Variants in KCNH8 observed in about 807,000 individuals in gnomAD.
KCNH8 encodes the protein potassium voltage-gated channel subfamily H member 8.
A neutral mutation model predicts 103.6 loss-of-function variants in KCNH8; 70 were observed. That is an observed-to-expected ratio of 0.68 (90% CI 0.56 to 0.82). The LOEUF is 0.82. Among genes scored for constraint, KCNH8 ranks in the 40% least tolerant of loss-of-function variants. KCNH8 has a pLI of 0.00. For missense variants in KCNH8, 1,217 were observed against 1,329.9 expected (o/e 0.92, Z 1.32); for synonymous variants, 498 against 489.4 (o/e 1.02, Z -0.23).
chr3:19,348,037 A>G (rs2065751517), intron 5 of KCNH8, 72 bp downstream of exon 5: 7 of 1,552,338 alleles, frequency 4.5e-6, no homozygotes, highest in African/African-American at 2.7e-5. Context: ...TTTTTCTGAC[A>G]TGAATTTGAA....
chr3:19,427,132 C>G (rs796758110), intron 7 of KCNH8, among the ~76,000 whole-genome samples: 19 of 152,190 alleles, frequency 1.2e-4, no homozygotes, highest in Admixed American at 5.9e-4. Flanking sequence ...ATCTAGATAT[C>G]GACTAGTCAT....
intron 1 of KCNH8, among the ~76,000 whole-genome samples, chr3:19,244,114 T>C (rs1320282094): frequency 6.6e-6 from 1 of 152,206 alleles, no homozygotes; most frequent in Non-Finnish European, 1.5e-5. Context: ...TGCATAAACT[T>C]ATGTTTATTT....
intron 13 of KCNH8, 28 bp downstream of exon 13, chr3:19,513,353 C>G: frequency 6.5e-7 from 1 of 1,550,126 alleles, no homozygotes; most frequent in Non-Finnish European, 8.7e-7. Context: ...ATAACTTTCT[C>G]ACGTGAACGT....
intron 4 of KCNH8, among the ~76,000 whole-genome samples, chr3:19,347,038 T>C (rs2065738491): frequency 1.3e-5 from 2 of 152,104 alleles, no homozygotes; most frequent in Admixed American, 6.6e-5. Flanking sequence ...TCTCCTCCCA[T>C]GACTTGACTA....
At chr3:19,467,197 C>T (rs1046756383) in intron 11 of KCNH8, among the ~76,000 whole-genome samples, 14 of 151,944 alleles carry the variant, frequency 9.2e-5, no homozygotes, top group Non-Finnish European at 1.8e-4. Context: ...CTTTCAATAT[C>T]GTATAGAGAG....
intron 1 of KCNH8, among the ~76,000 whole-genome samples, chr3:19,211,171 A>G (rs532589461): frequency 2.6e-5 from 4 of 152,304 alleles, no homozygotes; most frequent in South Asian, 4.1e-4. Flanking sequence ...TTCCACCCAT[A>G]ATGACTTACA....
At chr3:19,265,616 G>T (rs1412693099) in intron 2 of KCNH8, among the ~76,000 whole-genome samples, 2 of 151,880 alleles carry the variant, frequency 1.3e-5, no homozygotes, top group Non-Finnish European at 2.9e-5. Context: ...TGGCCTGTGG[G>T]CTGGTTTCTA....
intron 3 of KCNH8, among the ~76,000 whole-genome samples, chr3:19,327,721 G>C (rs1455442167): frequency 2.6e-5 from 4 of 152,192 alleles, no homozygotes; most frequent in Non-Finnish European, 4.4e-5. Flanking sequence ...GTTATAAGGA[G>C]TGAGTGTTGT....
At chr3:19,239,635 AATCTATCT>A (rs10571316) in intron 1 of KCNH8, among the ~76,000 whole-genome samples, 13,001 of 145,764 alleles carry the variant, frequency 0.089, 670 homozygotes, top group East Asian at 0.16. Context: ...AGAATGATGG[AATCTATCT>A]ATCTATCTAT....
In KCNH8 at chr3:19,397,055, A is replaced by G. The variant is rs185330589; in HGVS notation, c.1177+1744A>G. On this transcript the variant is annotated intron_variant, in intron 7 of 15. Transcript: ENST00000328405. ...AACAAAGCCTTTTGTTTCATTTCCAACATGCCAGGCTTGCTGCAGACTTAA... is the reference window on the plus strand; with the variant it reads ...AACAAAGCCTTTTGTTTCATTTCCAGCATGCCAGGCTTGCTGCAGACTTAA... 1.4e-3 allele frequency among the ~76,000 whole-genome samples: 206 copies of G among 152,058 alleles called. 1 individual carries two copies. Among genetic ancestry groups the G allele is most frequent in the African/African-American group, 4.6e-3 (191 of 41,508 alleles).
At chr3:19,257,370 T>C (rs935255403) in intron 2 of KCNH8, among the ~76,000 whole-genome samples, 4 of 152,002 alleles carry the variant, frequency 2.6e-5, no homozygotes, top group Non-Finnish European at 5.9e-5. Flanking sequence ...TAGTGGGAGA[T>C]CATCTCTGGT....
At chr3:19,519,589 T>G (rs975684716) in intron 15 of KCNH8, among the ~76,000 whole-genome samples, 4 of 147,676 alleles carry the variant, frequency 2.7e-5, no homozygotes, top group Non-Finnish European at 6.0e-5. Context: ...ACTAACTGGT[T>G]TGAAAATACT....
intron 11 of KCNH8, among the ~76,000 whole-genome samples, chr3:19,461,374 A>T (rs1230660766): frequency 6.6e-6 from 1 of 152,154 alleles, no homozygotes; most frequent in Non-Finnish European, 1.5e-5. Context: ...TGCACTCCCC[A>T]AGCATACTGT....
chr3:19,314,647 G>C (rs34768061), intron 3 of KCNH8, among the ~76,000 whole-genome samples: 5 of 151,936 alleles, frequency 3.3e-5, no homozygotes, highest in African/African-American at 1.2e-4. Context: ...CAGGACAGCT[G>C]CCATAGACAA....
chr3:19,440,206 A>G (rs908942357), intron 8 of KCNH8, among the ~76,000 whole-genome samples: 2 of 152,192 alleles, frequency 1.3e-5, no homozygotes, highest in Non-Finnish European at 2.9e-5. Flanking sequence ...TTTTAAAAAA[A>G]TTTTGATAAC....
At chr3:19,371,251 C>T (rs2066089542) in intron 5 of KCNH8, among the ~76,000 whole-genome samples, 1 of 148,940 alleles carries the variant, frequency 6.7e-6, no homozygotes, top group Non-Finnish European at 1.5e-5. Flanking sequence ...TCCTATTTCT[C>T]CACATCCTCT....
At chr3:19,224,347 G>A (rs139767253) in intron 1 of KCNH8, among the ~76,000 whole-genome samples, 2 of 152,194 alleles carry the variant, frequency 1.3e-5, no homozygotes, top group East Asian at 3.9e-4. Flanking sequence ...TTGCCATGAA[G>A]CCTGTGGGAA....
chr3:19,304,399 G>A (rs2065102828), intron 3 of KCNH8, among the ~76,000 whole-genome samples: 1 of 151,138 alleles, frequency 6.6e-6, no homozygotes, highest in Non-Finnish European at 1.5e-5. Context: ...TAAACAAAGA[G>A]AAAAAATCAC....
At chr3:19,223,087 G>A (rs2063893574) in intron 1 of KCNH8, among the ~76,000 whole-genome samples, 1 of 152,148 alleles carries the variant, frequency 6.6e-6, no homozygotes, top group Non-Finnish European at 1.5e-5. Context: ...CTAGGTATAA[G>A]AGAGTGCTAT....
Sources: allele counts gnomAD v4.1 joint callset (sites outside exome capture counted in the v4.1 genomes callset), GRCh38; gene constraint gnomAD v4.1.1; transcripts MANE v1.5; gene names NCBI Gene and HGNC (gene_info 2026-07-23, HGNC 2026-07-21).